TPPP: variants seen among roughly 807,000 people sequenced by gnomAD.
The protein encoded by TPPP is tubulin polymerization-promoting protein.
In TPPP, 6 loss-of-function variants were observed where a neutral mutation model predicts 15.5. The ratio of observed to expected loss-of-function variants is 0.39; its 90% CI spans 0.21 to 0.77. The LOEUF is 0.77. TPPP is among the 30% of genes least tolerant of loss of function. The pLI is 0.42. For synonymous variants in TPPP, 146 were observed against 133.9 expected, an observed-to-expected ratio of 1.09 and a Z score of -0.63; for missense variants, 269 against 307.2, an observed-to-expected ratio of 0.88 and a Z score of 0.93.
At chr5:675,040 G>A (rs1403945185) in intron 2 of TPPP, among the ~76,000 whole-genome samples, 1 of 96,920 alleles carries the variant, frequency 1.0e-5, no homozygotes, top group Non-Finnish European at 2.1e-5. Context: ...AGTGAGGGGG[G>A]TACAGTATGG....
chr5:660,957 A>T lies in TPPP; in HGVS notation c.*4145T>A, dbSNP rs1025079765. The T allele has an allele frequency of 6.6e-6, 1 of 152,300 alleles. No homozygotes were observed. The highest frequency in any genetic ancestry group is 2.4e-5 in the African/African-American group (1 of 41,456). The allele number at this position is 152,300 out of a possible 1,614,324, so 9.4% of individuals were successfully genotyped here. On this transcript the variant is annotated 3_prime_UTR_variant, in exon 4 of 4. Transcript: ENST00000360578. ...GCCCAAACTTGGACAGGATATTAGA[A>T]GGTGTAAAAGTAGTCCAGTATAAAT...
intron 1 of TPPP, among the ~76,000 whole-genome samples, chr5:682,138 G>A (rs1331050410): frequency 9.3e-5 from 14 of 150,546 alleles, no homozygotes; most frequent in Non-Finnish European, 1.9e-4. Flanking sequence ...AGAATTGACA[G>A]GGCTGGGGAA....
chr5:665,977 CCT>C lies in TPPP; in HGVS notation c.456_457del (p.Val154AspfsTer139), dbSNP rs760604576. ...CATCCCCGCCCTGCTCACCGTCACC[CCT>C]GAGATGATGGGCGCCTTGCCCTCGA... On this transcript the variant is annotated frameshift_variant, in exon 3 of 4. Transcript: ENST00000360578. LOFTEE classifies it high-confidence loss of function. 4 of 1,598,536 alleles carry C rather than the reference CCT, an allele frequency of 2.5e-6. No homozygotes were observed. The highest frequency in any genetic ancestry group is 2.2e-5 in the East Asian group (1 of 44,514).
upstream of TPPP, among the ~76,000 whole-genome samples, chr5:694,371 T>G (rs2455368): frequency 0.57 from 58,089 of 102,444 alleles, 16,215 homozygotes; most frequent in Non-Finnish European, 0.62. Flanking sequence ...GACTTTCAGC[T>G]GGACTCTTCC....
intron 1 of TPPP, among the ~76,000 whole-genome samples, chr5:682,274 G>A (rs1476060619): frequency 3.5e-5 from 5 of 143,866 alleles, no homozygotes; most frequent in South Asian, 2.1e-4. Context: ...CAGGGGTCTC[G>A]CACTTGGGCC....
At position 673,819 on chromosome 5, in the gene TPPP, G is replaced by T. The variant is rs182996847; in HGVS notation, c.311+3931C>A. ...TGGGAACAGGCCCAGACCAGCTGGG[G>T]CTCCTCCGGCCTCCTGGGGTGCCAG... On this transcript the variant is annotated intron_variant, in intron 2 of 3. Coordinates refer to ENST00000360578, the MANE Select transcript of TPPP (RefSeq NM_007030.3). Among the ~76,000 whole-genome samples, 309 of 152,294 alleles carry T rather than the reference G, an allele frequency of 2.0e-3. 1 individual carries two copies. The highest frequency in any genetic ancestry group is 7.2e-3 in the African/African-American group (300 of 41,574).
chr5:684,768 A>G (rs1391006449), intron 1 of TPPP, among the ~76,000 whole-genome samples: 1 of 151,888 alleles, frequency 6.6e-6, no homozygotes, highest in East Asian at 1.9e-4. Context: ...TTATCATCGC[A>G]CGGCACTCCT....
the TPPP span, among the ~76,000 whole-genome samples, chr5:698,928 C>CA: frequency 3.3e-5 from 5 of 151,906 alleles, no homozygotes; most frequent in East Asian, 1.9e-4. Context: ...ATTGTAGCTA[C>CA]AAAAAATTAC....
At chr5:693,104 G>A (rs1341708461) in intron 1 of TPPP, among the ~76,000 whole-genome samples, 174 bp downstream of exon 1, 1 of 123,132 alleles carries the variant, frequency 8.1e-6, no homozygotes, top group African/African-American at 2.8e-5. Flanking sequence ...GCCGAACTCC[G>A]GGCATCCCAA....
In TPPP at chr5:668,046, G is replaced by C. The variant is rs1343684883; in HGVS notation, c.312-1923C>G. 2.3e-4 allele frequency among the ~76,000 whole-genome samples: 8 copies of C among 35,456 alleles called. 3 individuals carry two copies. The East Asian group carries it at 6.8e-3, about 30-fold the overall frequency. The allele number at this position is 35,456 out of a possible 152,430, so 23.3% of individuals were successfully genotyped here. A position where few individuals can be genotyped will look rare whatever the true frequency, so the allele number is the denominator to read the frequency against. On this transcript the variant is annotated intron_variant, in intron 2 of 3. Transcript: ENST00000360578. The stretch of plus-strand genomic sequence containing the variant: ...CACACAGAGAGGGGGCCGTGTGGGC[G>C]CCGTCAGGGAAGTACCGACAAGCAC...
At chr5:667,681 G>T (rs544312622) in intron 2 of TPPP, among the ~76,000 whole-genome samples, 2 of 152,266 alleles carry the variant, frequency 1.3e-5, no homozygotes, top group South Asian at 2.1e-4. Context: ...ATACACAAAG[G>T]AACCTTAAAA....
chr5:699,958 G>A, the TPPP span, among the ~76,000 whole-genome samples: 13 of 151,912 alleles, frequency 8.6e-5, no homozygotes, highest in African/African-American at 3.1e-4. Context: ...TTTTAGTGAA[G>A]ATGTGGAGAA....
At chr5:670,901 G>T (rs532577800) in intron 2 of TPPP, among the ~76,000 whole-genome samples, 1 of 152,316 alleles carries the variant, frequency 6.6e-6, no homozygotes, top group East Asian at 1.9e-4. Flanking sequence ...CTGGCCACCT[G>T]AGAGGGCTTC....
chr5:666,588 T>G (rs1032749058), intron 2 of TPPP, among the ~76,000 whole-genome samples: 3 of 151,348 alleles, frequency 2.0e-5, no homozygotes, highest in Non-Finnish European at 4.4e-5. Context: ...CTTGGCAGCA[T>G]GGGCGCAGGC....
At chr5:669,870 TCA>T (rs780792100) in intron 2 of TPPP, among the ~76,000 whole-genome samples, 11 of 152,026 alleles carry the variant, frequency 7.2e-5, no homozygotes, top group Non-Finnish European at 1.5e-4. Context: ...CCAGAGACAC[TCA>T]GTCTGGCTGC....
chr5:673,191 G>T (rs1419578462), intron 2 of TPPP, among the ~76,000 whole-genome samples: 1 of 152,182 alleles, frequency 6.6e-6, no homozygotes, highest in African/African-American at 2.4e-5. Context: ...ACCACCCCTT[G>T]CTTTCCCCGG....
Position 678,804 on chromosome 5 carries a change from C to G in TPPP, c.-4-740G>C, listed in dbSNP as rs532118307. ...GCAAGGCGCCCGCCCCCAGAGTAGG[C>G]GGCTGGGCCATGGGGTTGAGAAGAC... On this transcript the variant is annotated intron_variant, in intron 1 of 3. Transcript: ENST00000360578. Among the ~76,000 whole-genome samples, 9 of 152,188 alleles carry G rather than the reference C, an allele frequency of 5.9e-5. No individual in the cohort carries two copies. The East Asian group carries it at 1.5e-3, about 26-fold the overall frequency.
intron 1 of TPPP, among the ~76,000 whole-genome samples, chr5:684,860 A>G (rs1050754892): frequency 1.3e-5 from 2 of 152,150 alleles, no homozygotes; most frequent in South Asian, 2.1e-4. Flanking sequence ...CCCAATCAGA[A>G]CAAAGCCGGC....
chr5:696,421 ACC>A (rs1741012177), upstream of TPPP, among the ~76,000 whole-genome samples: 1 of 144,724 alleles, frequency 6.9e-6, no homozygotes, highest in South Asian at 2.3e-4. Context: ...GTGTCCACCC[ACC>A]CCTGGCAGCT....
Sources: allele counts gnomAD v4.1 joint callset (sites outside exome capture counted in the v4.1 genomes callset), GRCh38; gene constraint gnomAD v4.1.1; transcripts MANE v1.5; gene names NCBI Gene and HGNC (gene_info 2026-07-23, HGNC 2026-07-21).